Variants in RNF123 observed in about 807,000 individuals in gnomAD.
The protein encoded by RNF123 is E3 ubiquitin-protein ligase RNF123.
RNF123 carries 86 observed loss-of-function variants against 168.5 expected under a neutral mutation model. The ratio of observed to expected loss-of-function variants is 0.51; its 90% confidence interval spans 0.43 to 0.61. The LOEUF (loss-of-function observed/expected upper bound fraction) is 0.61, where lower values mean the gene tolerates loss of function less well. Among genes scored for constraint, RNF123 ranks in the 20% least tolerant of loss-of-function variants. The pLI is 0.00. For synonymous variants in RNF123, 666 were observed against 689.1 expected, an observed-to-expected ratio of 0.97 and a Z score of 0.52; for missense variants, 1,419 against 1,729.7, an observed-to-expected ratio of 0.82 and a Z score of 3.19.
At position 49,699,228 on chromosome 3, in the gene RNF123, G is replaced by T; in HGVS notation, c.764+123G>T. 1.5e-6 allele frequency: 2 copies of T among 1,360,318 alleles called. No individual in the cohort carries two copies. Among genetic ancestry groups the T allele is most frequent in the East Asian group, 2.4e-5 (1 of 42,432 alleles). The allele number at this position is 1,360,318 out of a possible 1,614,324, so 84.3% of individuals were successfully genotyped here. The stretch of plus-strand genomic sequence containing the variant: ...GGCCCTGGCTGCTGCAGAGTTAGTG[G>T]GGGGCCATGTAGAGTGTCGAAGAAA... On this transcript the variant is annotated intron_variant, in intron 10 of 38. Transcript: ENST00000327697. This position sits in a 1 kb window ranked among gnomAD's most constrained non-coding sequence, Gnocchi z 4.8.
At chr3:49,716,362 T>G in intron 34 of RNF123, 31 bp from the exon 35 acceptor site, 1 of 1,605,288 alleles carries the variant, frequency 6.2e-7, no homozygotes, top group Non-Finnish European at 8.5e-7. Flanking sequence ...AGCATGTGGG[T>G]GGCTCATCTC....
chr3:49,699,741 C>T lies in RNF123; in HGVS notation c.953C>T (p.Ala318Val). 6.2e-7 allele frequency: 1 copy of T among 1,613,674 alleles called. No homozygotes were observed. The highest frequency in any genetic ancestry group is 8.5e-7 in the Non-Finnish European group (1 of 1,179,992). Residue 318 changes from alanine to valine, a missense_variant, in exon 12 of 39, where the codon GCC becomes GTC. This residue lies in a region of RNF123 where 318 missense variants were observed against 446.6 expected (regional missense o/e 0.71). Coordinates refer to ENST00000327697, the MANE Select transcript of RNF123 (RefSeq NM_022064.5). This position sits in a 1 kb window ranked among gnomAD's most constrained non-coding sequence, Gnocchi z 4.8. ...RGQPTVLLTL[A>V]HIFHHFAPLL... ...CAGCCCACCGTCCTCCTCACACTGG[C>T]CCACATCTTCCATCACTTTGCACCG...
At chr3:49,695,757 G>A (rs151208351) in intron 3 of RNF123, among the ~76,000 whole-genome samples, 1,800 of 152,296 alleles carry the variant, frequency 0.012, 41 homozygotes, top group African/African-American at 0.041. Context: ...CCTGTGGGCA[G>A]CCAGGTGTGT....
chr3:49,691,994 A>T (rs2054175054), intron 3 of RNF123, among the ~76,000 whole-genome samples: 1 of 152,260 alleles, frequency 6.6e-6, no homozygotes. Context: ...CTGTAATCCC[A>T]GCACTTTGGG....
chr3:49,705,331 C>T (rs764889750), intron 23 of RNF123, 149 bp downstream of exon 23: 180 of 1,214,154 alleles, frequency 1.5e-4, no homozygotes, highest in Non-Finnish European at 2.0e-4. Context: ...ACTCCGAGGG[C>T]AGGAGATCAA....
intron 26 of RNF123, among the ~76,000 whole-genome samples, 161 bp downstream of exon 26, chr3:49,707,059 T>C (rs576540415): frequency 6.6e-6 from 1 of 152,284 alleles, no homozygotes; most frequent in East Asian, 1.9e-4. Flanking sequence ...ATGTCCCCTG[T>C]ACCCCTCATG....
At chr3:49,695,266 C>T (rs55662945) in intron 3 of RNF123, among the ~76,000 whole-genome samples, 8,603 of 152,146 alleles carry the variant, frequency 0.057, 368 homozygotes, top group Non-Finnish European at 0.083. Context: ...CAGCACCCAG[C>T]TAATTTTTTT....
intron 3 of RNF123, among the ~76,000 whole-genome samples, chr3:49,696,447 C>T (rs1364645622): frequency 6.6e-6 from 1 of 151,282 alleles, no homozygotes; most frequent in Admixed American, 6.6e-5. Context: ...CTCCCAGGTT[C>T]AAGCAATTCT....
rs1457965698 is a variant in RNF123 at position 49,716,125 on chromosome 3, G to C, written c.3363G>C (p.Arg1121=). The C allele has an allele frequency of 1.2e-6, 2 of 1,613,596 alleles. No homozygotes were observed. Among genetic ancestry groups the C allele is most frequent in the Non-Finnish European group, 1.7e-6 (2 of 1,179,954 alleles). Residue 1121 remains arginine, a synonymous_variant, in exon 34 of 39, where the codon CGG becomes CGC. Transcript: ENST00000327697. ...LAQLLNQVLN[R]VTAERNLFDR... is the part of the protein sequence containing the mutation. The stretch of plus-strand genomic sequence containing the variant: ...AGCTGCTAAACCAGGTGCTGAACCG[G>C]GTGACAGCTGAGAGGAACCTGTTTG...
intron 3 of RNF123, 137 bp from the exon 4 acceptor site, chr3:49,697,006 G>T: frequency 1.3e-6 from 1 of 746,736 alleles, no homozygotes; most frequent in Non-Finnish European, 2.4e-6. Flanking sequence ...CTGCATGCCA[G>T]AGTCTAGGAC....
intron 35 of RNF123, chr3:49,719,310 C>T (rs1370344431): frequency 6.2e-7 from 1 of 1,613,226 alleles, no homozygotes; most frequent in East Asian, 2.2e-5. Flanking sequence ...GCACGTCCTG[C>T]AGCCCTAGGC....
At chr3:49,718,279 A>C in intron 35 of RNF123, 1 of 1,613,016 alleles carries the variant, frequency 6.2e-7, no homozygotes, top group South Asian at 1.1e-5. Flanking sequence ...CAGCACGAGC[A>C]CAAGGCCCAC....
At chr3:49,718,095 C>CAGAA (rs2080285609) in intron 35 of RNF123, 1 of 1,613,474 alleles carries the variant, frequency 6.2e-7, no homozygotes, top group African/African-American at 1.3e-5. Flanking sequence ...GGCCTGGCTC[C>CAGAA]AGAAAGACTA....
At chr3:49,701,736 T>C in intron 16 of RNF123, 75 bp from the exon 17 acceptor site, 1 of 1,469,406 alleles carries the variant, frequency 6.8e-7, no homozygotes, top group Non-Finnish European at 9.4e-7. Flanking sequence ...AGATGGAGTG[T>C]GGGTGTTCTG....
Position 49,697,232 on chromosome 3 carries a change from C to T in RNF123, c.247+10C>T, listed in dbSNP as rs562215157. 6.2e-7 allele frequency: 1 copy of T among 1,613,064 alleles called. No individual in the cohort carries two copies. The highest frequency in any genetic ancestry group is 2.2e-5 in the East Asian group (1 of 44,882). On this transcript the variant is annotated intron_variant, in intron 4 of 38. Coordinates refer to ENST00000327697, the MANE Select transcript of RNF123 (RefSeq NM_022064.5). ...GAGGAGGAAAGCCAGGGTATGTGGC[C>T]ACCTCTGGAGTGGGGTTGGGAGGTG...
Position 49,700,653 on chromosome 3 carries a change from C to G in RNF123, c.1221C>G (p.Leu407=). 6.2e-7 allele frequency: 1 copy of G among 1,614,214 alleles called. No individual in the cohort carries two copies. Among genetic ancestry groups the G allele is most frequent in the Non-Finnish European group, 8.5e-7 (1 of 1,180,048 alleles). Reference sequence around the variant, plus strand: ...CTCCACAGATCCATTACCTGCGGCTCACTATCGCCATCCTGAGGCATGAGA... The same window carrying G: ...CTCCACAGATCCATTACCTGCGGCTGACTATCGCCATCCTGAGGCATGAGA... ...DLGLQIHYLR[L]TIAILRHEKS... Residue 407 remains leucine, a synonymous_variant, in exon 15 of 39, where the codon CTC becomes CTG. Coordinates refer to ENST00000327697, the MANE Select transcript of RNF123 (RefSeq NM_022064.5).
At position 49,702,371 on chromosome 3, in the gene RNF123, G is replaced by C; in HGVS notation, c.1595G>C (p.Arg532Pro). 1 of 1,614,186 alleles carries C rather than the reference G, an allele frequency of 6.2e-7. No individual in the cohort carries two copies. Reference protein sequence around the residue: ...ASRYIFLTKFRKFLQENASGR... With the variant: ...ASRYIFLTKFPKFLQENASGR... ...AGGTATATCTTCCTGACCAAGTTTCGCAAGTTTCTGCAGGAGAACGCCAGT... is the reference window on the plus strand; with the variant it reads ...AGGTATATCTTCCTGACCAAGTTTCCCAAGTTTCTGCAGGAGAACGCCAGT... The change falls in exon 19 of 39, where the codon CGC (arginine) becomes CCC (proline). Residue 532 changes from arginine to proline, a missense_variant. By Grantham distance (103) the Arg-to-Pro change is moderately radical. This residue lies in a region of RNF123 where 349 missense variants were observed against 344.9 expected (regional missense o/e 1.01). Coordinates refer to ENST00000327697, the MANE Select transcript of RNF123 (RefSeq NM_022064.5).
chr3:49,696,132 GGGTTGGACTA>G (rs1306225392), intron 3 of RNF123, among the ~76,000 whole-genome samples: 1 of 152,220 alleles, frequency 6.6e-6, no homozygotes, highest in Non-Finnish European at 1.5e-5. Flanking sequence ...CTAGGGGCAA[GGGTTGGACTA>G]GGTGGCCTTG....
At chr3:49,718,991 G>A in intron 35 of RNF123, 3 of 1,613,838 alleles carry the variant, frequency 1.9e-6, no homozygotes, top group South Asian at 1.1e-5. Flanking sequence ...AGATGGCTGA[G>A]CGCGCGCAGG....
Sources: gnomAD v4.1 joint callset for allele counts (sites outside exome capture counted in the v4.1 genomes callset) on GRCh38, gnomAD v4.1.1 for gene constraint, gnomAD v4.1.1 regional missense constraint, Gnocchi (gnomAD v3.1) non-coding constraint, MANE v1.5 for transcripts, NCBI Gene and HGNC (gene_info 2026-07-23, HGNC 2026-07-21) for gene names.